MOBP: variants seen among roughly 807,000 people sequenced by gnomAD.
MOBP encodes myelin-associated oligodendrocyte basic protein.
In MOBP, 5 loss-of-function variants were observed where a neutral mutation model predicts 15.0. The ratio of observed to expected loss-of-function variants is 0.33; its 90% CI spans 0.17 to 0.70. The LOEUF is 0.70. Ranked by LOEUF, MOBP falls within the 30% of genes least tolerant of loss-of-function variation. The pLI, the probability that MOBP is intolerant of heterozygous loss-of-function variation, is 0.67. For synonymous variants in MOBP, 88 were observed against 99.0 expected (o/e 0.89, Z 0.66); for missense variants, 188 against 257.8 (o/e 0.73, Z 1.85).
At chr3:39,494,399 C>T (rs694380) in intron 2 of MOBP, among the ~76,000 whole-genome samples, 46,938 of 151,768 alleles carry the variant, frequency 0.31, 9,999 homozygotes, top group African/African-American at 0.6. Context: ...GCTTACTTCA[C>T]TTTTCTCTCC....
chr3:39,498,698 TCTTCCAGGGAAG>T (rs1365837167), intron 2 of MOBP, among the ~76,000 whole-genome samples: 6 of 152,188 alleles, frequency 3.9e-5, no homozygotes, highest in Admixed American at 2.6e-4. Context: ...ATGGCGAGGT[TCTTCCAGGGAAG>T]AGAATTACTT....
At chr3:39,487,649 G>A (rs367682031) in intron 2 of MOBP, among the ~76,000 whole-genome samples, 14 of 149,344 alleles carry the variant, frequency 9.4e-5, no homozygotes, top group East Asian at 4.0e-4. Context: ...TCAGCCTCCC[G>A]AGTAGCTGGA....
At chr3:39,501,843 A>C (rs974627530) in intron 2 of MOBP, among the ~76,000 whole-genome samples, 1 of 152,180 alleles carries the variant, frequency 6.6e-6, no homozygotes, top group Non-Finnish European at 1.5e-5. Context: ...TTCTCCTTAA[A>C]AACACGATTT....
exon 5 of MOBP, chr3:39,515,541 C>T (rs955911344): frequency 6.6e-6 from 1 of 151,570 alleles, no homozygotes; most frequent in Non-Finnish European, 1.5e-5. Flanking sequence ...GCTTGGTTCA[C>T]TCTGCTTTTG....
Position 39,502,681 on chromosome 3 carries a change from G to A in MOBP, c.353G>A (p.Arg118Gln). 2 of 1,483,820 alleles carry A rather than the reference G, an allele frequency of 1.3e-6. No homozygotes were observed. The highest frequency in any genetic ancestry group is 1.8e-6 in the Non-Finnish European group (2 of 1,123,160). The allele number at this position is 1,483,820 out of a possible 1,614,324, so 91.9% of individuals were successfully genotyped here. A position where few individuals can be genotyped will look rare whatever the true frequency, so the allele number is the denominator to read the frequency against. ...RSPPRSERQPRSPPRSERQPR... is the reference protein window; with the variant it reads ...RSPPRSERQPQSPPRSERQPR... Reference sequence around the variant, plus strand: ...CCTCCGAGGTCTGAGCGTCAGCCACGGTCCCCTCCGAGGTCTGAGCGTCAG... The same window carrying A: ...CCTCCGAGGTCTGAGCGTCAGCCACAGTCCCCTCCGAGGTCTGAGCGTCAG... Residue 118 changes from arginine (R) to glutamine (Q), a missense_variant, in exon 4 of 4, where the codon CGG (arginine) becomes CAG (glutamine). Physicochemically the swap from Arg to Gln is conservative, Grantham distance 43. Coordinates refer to ENST00000684792, the MANE Select transcript of MOBP (RefSeq NM_001393704.1). The surrounding 1 kb of genome is among the most constrained non-coding windows in gnomAD (Gnocchi z 6.3).
intron 2 of MOBP, among the ~76,000 whole-genome samples, chr3:39,491,867 G>T (rs1330548395): frequency 6.6e-6 from 1 of 152,178 alleles, no homozygotes; most frequent in Non-Finnish European, 1.5e-5. Flanking sequence ...CATGGTGGGG[G>T]ATGTGGGTAT....
At chr3:39,501,182 A>T (rs1374148594) in intron 2 of MOBP, among the ~76,000 whole-genome samples, 1 of 152,216 alleles carries the variant, frequency 6.6e-6, no homozygotes. Flanking sequence ...CTTTGTACAC[A>T]CTTGTATTGG....
chr3:39,468,083 T>G lies in MOBP; in HGVS notation c.-89+343T>G, dbSNP rs538955217. On this transcript the variant is annotated intron_variant, in intron 1 of 3. Transcript: ENST00000684792. ...GTACATGCTGCTGCTGCTGCTGCTT[T>G]TTTTTTTTTAATTTATTTCTTCTTT... is the stretch of plus-strand genomic sequence containing the variant. Among the ~76,000 whole-genome samples, 1,144 of 139,040 alleles carry G rather than the reference T, an allele frequency of 8.2e-3. 11 individuals carry two copies. Among genetic ancestry groups the G allele is most frequent in the African/African-American group, 0.033 (1,111 of 33,202 alleles). The allele number at this position is 139,040 out of a possible 152,430, so 91.2% of individuals were successfully genotyped here. A position where few individuals can be genotyped will look rare whatever the true frequency, so the allele number is the denominator to read the frequency against.
At chr3:39,482,099 T>C (rs1350303646) in intron 2 of MOBP, among the ~76,000 whole-genome samples, 1 of 152,176 alleles carries the variant, frequency 6.6e-6, no homozygotes, top group African/African-American at 2.4e-5. Flanking sequence ...AAAAGTGAAC[T>C]CATGCTTCTG....
At chr3:39,472,402 G>T (rs531410857) in intron 1 of MOBP, among the ~76,000 whole-genome samples, 1 of 152,012 alleles carries the variant, frequency 6.6e-6, no homozygotes, top group Non-Finnish European at 1.5e-5. Flanking sequence ...CCTAAATATC[G>T]AATTAGGTTA....
intron 2 of MOBP, 134 bp from the exon 3 acceptor site, chr3:39,501,932 G>A: frequency 7.5e-6 from 5 of 665,402 alleles, no homozygotes; most frequent in Non-Finnish European, 1.0e-5. Flanking sequence ...TGGTCTTCCA[G>A]GGTGTTGCTC....
chr3:39,472,227 C>A (rs1253130099), intron 1 of MOBP, among the ~76,000 whole-genome samples: 1 of 152,122 alleles, frequency 6.6e-6, no homozygotes, highest in Non-Finnish European at 1.5e-5. Flanking sequence ...ATAAAATATC[C>A]ATTTTTTTGT....
At chr3:39,478,709 C>G (rs28562776) in intron 1 of MOBP, among the ~76,000 whole-genome samples, 1 of 151,968 alleles carries the variant, frequency 6.6e-6, no homozygotes, top group East Asian at 1.9e-4. Context: ...GCCCTGCAAT[C>G]GTTGCCATCC....
At chr3:39,517,554 C>CA (rs896324955), downstream of MOBP, among the ~76,000 whole-genome samples, 2 of 152,142 alleles carry the variant, frequency 1.3e-5, no homozygotes, top group Non-Finnish European at 2.9e-5. Context: ...TCCACTGGAA[C>CA]AAAAAGAGTC....
rs1342235168 is a variant in MOBP at position 39,480,627 on chromosome 3, C to A, written c.-5+504C>A. Among the ~76,000 whole-genome samples, 3 of 152,314 alleles carry A rather than the reference C, an allele frequency of 2.0e-5. No individual in the cohort carries two copies. In the East Asian group the frequency reaches 5.8e-4, roughly 29 times the overall value. ...GCCACCTTAGGCCACTGTGCCTTCA[C>A]CCTCTAGTTAAACCTCTGCAATTTG... On this transcript the variant is annotated intron_variant, in intron 2 of 3. Transcript: ENST00000684792.
intron 1 of MOBP, among the ~76,000 whole-genome samples, chr3:39,474,185 G>T (rs964106971): frequency 1.2e-4 from 18 of 152,272 alleles, no homozygotes; most frequent in African/African-American, 4.3e-4. Flanking sequence ...GATGGTTTAT[G>T]TAAGTTATTG....
chr3:39,516,712 G>A (rs1222266704), downstream of MOBP, among the ~76,000 whole-genome samples: 1 of 152,152 alleles, frequency 6.6e-6, no homozygotes, highest in African/African-American at 2.4e-5. Context: ...TGCCACTACA[G>A]TTTTGCCTAC....
intron 2 of MOBP, among the ~76,000 whole-genome samples, 164 bp from the exon 3 acceptor site, chr3:39,501,902 C>T (rs556954780): frequency 6.6e-6 from 1 of 152,134 alleles, no homozygotes; most frequent in South Asian, 2.1e-4. Flanking sequence ...GAGTTCCTTT[C>T]CACAGAGTTG....
intron 1 of MOBP, among the ~76,000 whole-genome samples, chr3:39,469,024 G>GTA (rs773039547): frequency 7.6e-5 from 4 of 52,362 alleles, no homozygotes; most frequent in East Asian, 6.9e-4. Flanking sequence ...ACATATGTGT[G>GTA]TATATATATA....
Sources: gnomAD v4.1 joint callset for allele counts (sites outside exome capture counted in the v4.1 genomes callset) on GRCh38, gnomAD v4.1.1 for gene constraint, Gnocchi (gnomAD v3.1) non-coding constraint, MANE v1.5 for transcripts, NCBI Gene and HGNC (gene_info 2026-07-23, HGNC 2026-07-21) for gene names.